Variants in FOXJ3 observed in about 807,000 individuals in gnomAD.
FOXJ3 encodes forkhead box protein J3.
In FOXJ3, 22 loss-of-function variants were observed where a neutral mutation model predicts 76.1. The observed-to-expected ratio is 0.29, with a 90% confidence interval of 0.21 to 0.41. The LOEUF is 0.41. Among genes scored for constraint, FOXJ3 ranks in the 10% least tolerant of loss-of-function variants. The pLI is 1.00. For synonymous variants in FOXJ3, 269 were observed against 261.2 expected (o/e 1.03, Z -0.29); for missense variants, 613 against 762.1 (o/e 0.80, Z 2.30).
At chr1:42,202,910 G>A (rs1557633861) in intron 6 of FOXJ3, among the ~76,000 whole-genome samples, 2 of 152,142 alleles carry the variant, frequency 1.3e-5, no homozygotes, top group African/African-American at 4.8e-5. Context: ...TTACAGAAAG[G>A]CATGCTTAAA....
chr1:42,258,332 G>A (rs1220059315), intron 4 of FOXJ3, among the ~76,000 whole-genome samples: 1 of 152,150 alleles, frequency 6.6e-6, no homozygotes, highest in Non-Finnish European at 1.5e-5. Flanking sequence ...CACAGCATTT[G>A]CATGCACCAC....
chr1:42,265,860 G>C (rs1651425426), intron 3 of FOXJ3, among the ~76,000 whole-genome samples: 3 of 152,146 alleles, frequency 2.0e-5, no homozygotes, highest in Admixed American at 2.0e-4. Context: ...ATTGTAGCAG[G>C]GAAGAACACC....
intron 1 of FOXJ3, among the ~76,000 whole-genome samples, chr1:42,317,325 G>T (rs557836020): frequency 4.3e-4 from 66 of 152,132 alleles, no homozygotes; most frequent in African/African-American, 1.5e-3. Context: ...AGAGTAAAGG[G>T]AAAGAATCCT....
chr1:42,218,661 A>G (rs912897137), intron 5 of FOXJ3, among the ~76,000 whole-genome samples: 1 of 152,218 alleles, frequency 6.6e-6, no homozygotes, highest in African/African-American at 2.4e-5. Flanking sequence ...CAACAGCTAG[A>G]GTGACCGTGT....
At chr1:42,264,032 G>GGAGC (rs1651282448) in intron 4 of FOXJ3, among the ~76,000 whole-genome samples, 1 of 144,490 alleles carries the variant, frequency 6.9e-6, no homozygotes, top group African/African-American at 2.6e-5. Context: ...AGTCCAATTA[G>GGAGC]GAGCTACTAC....
intron 4 of FOXJ3, among the ~76,000 whole-genome samples, chr1:42,257,001 T>TA (rs138574264): frequency 0.017 from 2,553 of 152,282 alleles, 68 homozygotes; most frequent in African/African-American, 0.059. Flanking sequence ...TATGTGAACT[T>TA]ACGGAAAAAA....
intron 5 of FOXJ3, among the ~76,000 whole-genome samples, chr1:42,216,464 G>A (rs1647069939): frequency 6.6e-6 from 1 of 151,240 alleles, no homozygotes; most frequent in African/African-American, 2.4e-5. Context: ...CTTGCAGTGA[G>A]CCGAGATCGC....
chr1:42,234,657 G>A (rs1648443021), intron 4 of FOXJ3, among the ~76,000 whole-genome samples: 1 of 152,148 alleles, frequency 6.6e-6, no homozygotes, highest in Non-Finnish European at 1.5e-5. Context: ...GAGTTTGCTG[G>A]AGGTCCACTC....
At chr1:42,325,326 T>C (rs1245394781) in intron 1 of FOXJ3, among the ~76,000 whole-genome samples, 2 of 152,234 alleles carry the variant, frequency 1.3e-5, no homozygotes, top group Non-Finnish European at 2.9e-5. Flanking sequence ...CATCTATTCA[T>C]ATCCCTAAAT....
Position 42,250,995 on chromosome 1 carries a change from AAAGAG to A in FOXJ3, c.444+14115_444+14119del, listed in dbSNP as rs1200080933. Among the ~76,000 whole-genome samples the A allele has an allele frequency of 3.3e-5, 5 of 152,178 alleles. No homozygotes were observed. The South Asian group carries it at 1.0e-3, about 32-fold the overall frequency. ...CTTATTATAACTGACCCTAAAAGAA[AAAGAG>A]AAAAGATGGGGCCAAAAGAATTTTT... is the stretch of plus-strand genomic sequence containing the variant. On this transcript the variant is annotated intron_variant, in intron 4 of 12. Coordinates refer to ENST00000361346, the MANE Select transcript of FOXJ3 (RefSeq NM_014947.5).
intron 7 of FOXJ3, among the ~76,000 whole-genome samples, chr1:42,197,068 A>C (rs1646665288): frequency 6.6e-6 from 1 of 152,188 alleles, no homozygotes; most frequent in African/African-American, 2.4e-5. Context: ...GATACTTTCT[A>C]ATCTCTGCAT....
intron 3 of FOXJ3, 30 bp from the exon 4 acceptor site, chr1:42,265,219 C>A: frequency 2.5e-6 from 3 of 1,216,366 alleles, no homozygotes; most frequent in South Asian, 2.8e-5. Context: ...GCCATAAGGT[C>A]AATAAAATCC....
intron 4 of FOXJ3, among the ~76,000 whole-genome samples, 177 bp from the exon 5 acceptor site, chr1:42,228,143 A>T (rs940804891): frequency 1.3e-5 from 2 of 152,214 alleles, no homozygotes; most frequent in Non-Finnish European, 2.9e-5. Flanking sequence ...ATCCACTTAT[A>T]ATTACATTAT....
chr1:42,223,919 T>G (rs1476793060), intron 5 of FOXJ3, among the ~76,000 whole-genome samples: 1 of 152,260 alleles, frequency 6.6e-6, no homozygotes, highest in African/African-American at 2.4e-5. Flanking sequence ...AAATTCTGGC[T>G]TTGGTATTTT....
chr1:42,191,796 A>T, intron 8 of FOXJ3, 77 bp from the exon 9 acceptor site: 1 of 1,493,948 alleles, frequency 6.7e-7, no homozygotes, highest in Non-Finnish European at 9.2e-7. Flanking sequence ...TTATTAACAT[A>T]ACAAAAGCAT....
chr1:42,187,116 G>A (rs1423791656), intron 11 of FOXJ3, among the ~76,000 whole-genome samples: 3 of 152,230 alleles, frequency 2.0e-5, no homozygotes, highest in Non-Finnish European at 2.9e-5. Flanking sequence ...CCAAAGTGCT[G>A]GGATTGCAGG....
chr1:42,324,113 C>G (rs200447889), intron 1 of FOXJ3, among the ~76,000 whole-genome samples: 85 of 1,866 alleles, frequency 0.046, 12 homozygotes, highest in South Asian at 0.17. Context: ...TGTATATACA[C>G]TGTATATACA....
At chr1:42,278,236 A>C in intron 3 of FOXJ3, 112 bp downstream of exon 3, 5 of 814,380 alleles carry the variant, frequency 6.1e-6, no homozygotes, top group Non-Finnish European at 7.7e-6. Context: ...AAAAATCACT[A>C]GAGATCAAAA....
At chr1:42,290,082 A>ACTT (rs1334889185) in intron 2 of FOXJ3, among the ~76,000 whole-genome samples, 7 of 152,154 alleles carry the variant, frequency 4.6e-5, no homozygotes, top group Non-Finnish European at 8.8e-5. Context: ...GTTTTAAGGA[A>ACTT]AAAGTTCCTA....
Sources: gnomAD v4.1 joint callset for allele counts (sites outside exome capture counted in the v4.1 genomes callset) on GRCh38, gnomAD v4.1.1 for gene constraint, MANE v1.5 for transcripts, NCBI Gene and HGNC (gene_info 2026-07-23, HGNC 2026-07-21) for gene names.